Variants in IRF6 observed in about 807,000 individuals in gnomAD.
The protein encoded by IRF6 is Van der Woude syndrome.
Under a neutral mutation model 51.4 loss-of-function variants are expected in IRF6, and 6 were observed. That is an observed-to-expected ratio of 0.12 (90% CI 0.06 to 0.23). The LOEUF is 0.23. Among genes scored for constraint, IRF6 ranks in the 10% least tolerant of loss-of-function variants. IRF6 has a pLI of 1.00. For synonymous variants in IRF6, 178 were observed against 215.7 expected (o/e 0.83, Z 1.53); for missense variants, 348 against 585.2 (o/e 0.59, Z 4.18).
In IRF6 at chr1:209,796,415, G is replaced by A. The variant is rs2077901671; in HGVS notation, c.312C>T (p.Pro104=). The change falls in exon 4 of 9, where the codon CCC becomes CCT. Residue 104 remains proline, a synonymous_variant. Coordinates refer to ENST00000367021, the MANE Select transcript of IRF6 (RefSeq NM_006147.4). This position sits in a 1 kb window ranked among gnomAD's most constrained non-coding sequence, Gnocchi z 4.5. ...CTTGATATATCTTCACTGGGTTCATGGGCACCTCCTTGGTGCCATCATACA... is the reference window on the plus strand; with the variant it reads ...CTTGATATATCTTCACTGGGTTCATAGGCACCTCCTTGGTGCCATCATACA... The part of the protein sequence containing the change: ...NLMYDGTKEV[P]MNPVKIYQVC... The A allele has an allele frequency of 6.2e-7, 1 of 1,614,072 alleles. No homozygotes were observed. The highest frequency in any genetic ancestry group is 8.5e-7 in the Non-Finnish European group (1 of 1,179,958).
In IRF6 at chr1:209,796,089, G is replaced by A. The variant is rs936345457; in HGVS notation, c.379+259C>T. The stretch of plus-strand genomic sequence containing the variant: ...ACCTGGCCTCTTGAATCCCAAAAGA[G>A]GCTACTTTTACAGTAGAACTGTATA... On this transcript the variant is annotated intron_variant, in intron 4 of 8. Coordinates refer to ENST00000367021, the MANE Select transcript of IRF6 (RefSeq NM_006147.4). The surrounding 1 kb of genome is among the most constrained non-coding windows in gnomAD (Gnocchi z 4.5). Among the ~76,000 whole-genome samples, 4 of 152,110 alleles carry A rather than the reference G, an allele frequency of 2.6e-5. No homozygotes were observed. Among genetic ancestry groups the A allele is most frequent in the Non-Finnish European group, 5.9e-5 (4 of 68,024 alleles).
chr1:209,795,232 A>G (rs1000764540), intron 5 of IRF6, 58 bp downstream of exon 5: 71 of 1,593,960 alleles, frequency 4.5e-5, no homozygotes, highest in Non-Finnish European at 5.7e-5. Flanking sequence ...GACAGTCCCA[A>G]GGTCAAAACT....
rs2077900322 is a variant in IRF6, at chr1:209,796,226, C to T, written c.379+122G>A. ...TTTCTGGGTCCTTCCCAGAGAAAGG[C>T]TTTCTTGCTTTATCCATCTTAAACT... On this transcript the variant is annotated intron_variant, in intron 4 of 8. Coordinates refer to ENST00000367021, the MANE Select transcript of IRF6 (RefSeq NM_006147.4). This position sits in a 1 kb window ranked among gnomAD's most constrained non-coding sequence, Gnocchi z 4.5. 1.2e-6 allele frequency: 1 copy of T among 809,414 alleles called. No individual in the cohort carries two copies. The allele number at this position is 809,414 out of a possible 1,614,324, so 50.1% of individuals were successfully genotyped here.
chr1:209,796,669 AC>A lies in IRF6; in HGVS notation c.175-118del. On this transcript the variant is annotated intron_variant, in intron 3 of 8. Coordinates refer to ENST00000367021, the MANE Select transcript of IRF6 (RefSeq NM_006147.4). This position sits in a 1 kb window ranked among gnomAD's most constrained non-coding sequence, Gnocchi z 4.5. ...CACACACACACACACACACACACAC[AC>A]ACACACAACTTTTGCATGACTGCCC... is the stretch of plus-strand genomic sequence containing the variant. 2.5e-6 allele frequency: 2 copies of A among 798,860 alleles called. No homozygotes were observed. Among genetic ancestry groups the A allele is most frequent in the Non-Finnish European group, 4.2e-6 (2 of 477,154 alleles). The allele number at this position is 798,860 out of a possible 1,614,324, so 49.5% of individuals were successfully genotyped here. A position where few individuals can be genotyped will look rare whatever the true frequency, so the allele number is the denominator to read the frequency against.
chr1:209,798,823 C>T (rs529507669), intron 3 of IRF6, among the ~76,000 whole-genome samples: 2 of 148,244 alleles, frequency 1.3e-5, no homozygotes, highest in South Asian at 4.3e-4. Context: ...GCAGGAGAAT[C>T]GCTTGAACCC....
At chr1:209,791,604 G>A (rs2077869529) in intron 6 of IRF6, among the ~76,000 whole-genome samples, 1 of 152,094 alleles carries the variant, frequency 6.6e-6, no homozygotes, top group Non-Finnish European at 1.5e-5. Context: ...CAAAATCCAA[G>A]AGCCTCCTCT....
chr1:209,805,726 G>A (rs1453947320), intron 1 of IRF6, among the ~76,000 whole-genome samples: 1 of 152,148 alleles, frequency 6.6e-6, no homozygotes, highest in Non-Finnish European at 1.5e-5. Context: ...GTAGACACAA[G>A]TGTAGATTCG....
chr1:209,790,375 AC>A lies in IRF6; in HGVS notation c.1060+119del. Reference sequence around the variant, plus strand: ...TCTGTTCTCCCTTGACCTCCTCCAGACTAAATTTTTTAAGATCTTTGCCATG... The same window carrying A: ...TCTGTTCTCCCTTGACCTCCTCCAGATAAATTTTTTAAGATCTTTGCCATG... On this transcript the variant is annotated intron_variant, in intron 7 of 8. Transcript: ENST00000367021. The surrounding 1 kb of genome is among the most constrained non-coding windows in gnomAD (Gnocchi z 4.8). The A allele has an allele frequency of 8.2e-7, 1 of 1,226,642 alleles. No individual in the cohort carries two copies. Among genetic ancestry groups the A allele is most frequent in the South Asian group, 1.3e-5 (1 of 79,146 alleles). 76.0% of individuals were successfully genotyped at this position (1,226,642 alleles called of 1,614,324 possible). A position where few individuals can be genotyped will look rare whatever the true frequency, so the allele number is the denominator to read the frequency against.
chr1:209,798,617 A>C (rs2077919384), intron 3 of IRF6, among the ~76,000 whole-genome samples: 1 of 152,170 alleles, frequency 6.6e-6, no homozygotes, highest in Admixed American at 6.5e-5. Context: ...GAACTTTAGA[A>C]TCAAGAAAGG....
In IRF6 at chr1:209,796,633, A is replaced by AG; in HGVS notation, c.175-82_175-81insC. On this transcript the variant is annotated intron_variant, in intron 3 of 8. Transcript: ENST00000367021. The surrounding 1 kb of genome is among the most constrained non-coding windows in gnomAD (Gnocchi z 4.5). ...TGTGCTTACCCTTTCTCATAGACAC[A>AG]AACACACACACACACACACACACAC... 1.2e-6 allele frequency: 1 copy of AG among 826,934 alleles called. No individual in the cohort carries two copies. Among genetic ancestry groups the AG allele is most frequent in the East Asian group, 2.8e-5 (1 of 35,918 alleles). 51.2% of individuals were successfully genotyped at this position (826,934 alleles called of 1,614,324 possible). A position where few individuals can be genotyped will look rare whatever the true frequency, so the allele number is the denominator to read the frequency against.
At chr1:209,800,714 A>T (rs191234990) in intron 3 of IRF6, among the ~76,000 whole-genome samples, 156 of 152,284 alleles carry the variant, frequency 1.0e-3, no homozygotes, top group African/African-American at 3.5e-3. Context: ...AGCTATGATC[A>T]TGCCACTTGC....
chr1:209,805,796 G>A (rs1234993236), intron 1 of IRF6, among the ~76,000 whole-genome samples, 151 bp downstream of exon 1: 1 of 152,104 alleles, frequency 6.6e-6, no homozygotes, highest in Non-Finnish European at 1.5e-5. Flanking sequence ...AAGGGCGACA[G>A]GCACCCAGCC....
intron 1 of IRF6, among the ~76,000 whole-genome samples, chr1:209,803,775 G>A (rs946349756): frequency 3.3e-5 from 5 of 152,156 alleles, no homozygotes; most frequent in Admixed American, 6.5e-5. Context: ...CATTCATTAC[G>A]TCACAACCAC....
At chr1:209,804,598 G>A (rs1485919345) in intron 1 of IRF6, among the ~76,000 whole-genome samples, 2 of 152,160 alleles carry the variant, frequency 1.3e-5, no homozygotes, top group African/African-American at 2.4e-5. Context: ...ACAGCAAAAT[G>A]TAAGGCCTGT....
Position 209,787,828 on chromosome 1 carries a change from C to CAGCT in IRF6, c.*588_*591dup, listed in dbSNP as rs2077843905. On this transcript the variant is annotated 3_prime_UTR_variant, in exon 9 of 9. Coordinates refer to ENST00000367021, the MANE Select transcript of IRF6 (RefSeq NM_006147.4). ...CATAGTTTCTAAGCAACCAGCCAGC[C>CAGCT]AGCTCCTCTCCCTCTCACTTCCCCC... The CAGCT allele has an allele frequency of 6.5e-6, 1 of 153,134 alleles. No individual in the cohort carries two copies. The highest frequency in any genetic ancestry group is 2.4e-5 in the African/African-American group (1 of 41,394). The allele number at this position is 153,134 out of a possible 1,614,324, so 9.5% of individuals were successfully genotyped here.
At chr1:209,789,240 C>T (rs2077853814) in intron 8 of IRF6, among the ~76,000 whole-genome samples, 1 of 151,856 alleles carries the variant, frequency 6.6e-6, no homozygotes, top group Non-Finnish European at 1.5e-5. Flanking sequence ...GGGAGGATCA[C>T]TTGAACCTGG....
chr1:209,791,050 C>A, intron 6 of IRF6, 163 bp from the exon 7 acceptor site: 1 of 985,396 alleles, frequency 1.0e-6, no homozygotes, highest in Non-Finnish European at 1.2e-6. Context: ...ATCAACATAT[C>A]CCTGGAATAT....
rs934948297 is a variant in IRF6, at chr1:209,788,310, C to G, written c.*110G>C. ...GGCATATTTGGAGAATCACAAACTT[C>G]TAACACTGTTAGAGAAAAGAGAGAT... On this transcript the variant is annotated 3_prime_UTR_variant, in exon 9 of 9. Coordinates refer to ENST00000367021, the MANE Select transcript of IRF6 (RefSeq NM_006147.4). The G allele has an allele frequency of 8.0e-6, 6 of 750,662 alleles. No individual in the cohort carries two copies. The highest frequency in any genetic ancestry group is 1.3e-5 in the Non-Finnish European group (6 of 451,134). 46.5% of individuals were successfully genotyped at this position (750,662 alleles called of 1,614,324 possible).
chr1:209,805,335 C>T (rs1337645900), intron 1 of IRF6, among the ~76,000 whole-genome samples: 1 of 152,240 alleles, frequency 6.6e-6, no homozygotes, highest in East Asian at 1.9e-4. Flanking sequence ...CCACACCACC[C>T]TCCAGCCCCT....
Sources: allele counts gnomAD v4.1 joint callset (sites outside exome capture counted in the v4.1 genomes callset), GRCh38; gene constraint gnomAD v4.1.1; non-coding constraint Gnocchi (gnomAD v3.1); transcripts MANE v1.5; gene names NCBI Gene and HGNC (gene_info 2026-07-23, HGNC 2026-07-21).